Variants in TESK2 observed in about 807,000 individuals in gnomAD.
The protein encoded by TESK2 is testis associated actin remodelling kinase 2, also known as dual specificity testis-specific protein kinase 2.
In TESK2, 39 loss-of-function variants were observed where a neutral mutation model predicts 57.1. The ratio of observed to expected loss-of-function variants is 0.68; its 90% CI spans 0.53 to 0.89. The LOEUF (loss-of-function observed/expected upper bound fraction) is 0.89. Among genes scored for constraint, TESK2 ranks in the 40% least tolerant of loss-of-function variants. The pLI is 0.00. For missense variants in TESK2, 646 were observed against 732.1 expected (o/e 0.88, Z 1.36); for synonymous variants, 249 against 267.9 (o/e 0.93, Z 0.69).
intron 1 of TESK2, among the ~76,000 whole-genome samples, chr1:45,478,799 C>T (rs1653100432): frequency 6.6e-6 from 1 of 151,860 alleles, no homozygotes; most frequent in Admixed American, 6.6e-5. Flanking sequence ...TCTCAGCTCA[C>T]TGCAACCTCT....
At chr1:45,396,527 TG>T (rs1649365719) in intron 3 of TESK2, among the ~76,000 whole-genome samples, 1 of 152,110 alleles carries the variant, frequency 6.6e-6, no homozygotes, top group Non-Finnish European at 1.5e-5. Flanking sequence ...CTCACTCTGT[TG>T]CCCACGCTGG....
rs1486381365 is a variant in TESK2, at chr1:45,345,191, A to G, written c.1365T>C (p.Arg455=). 1 of 1,614,166 alleles carries G rather than the reference A, an allele frequency of 6.2e-7. No individual in the cohort carries two copies. Among genetic ancestry groups the G allele is most frequent in the South Asian group, 1.1e-5 (1 of 91,072 alleles). ...EPLAPPIRRW[R]SLPGSPEFLH... Reference sequence around the variant, plus strand: ...AGAACTCAGGCGAACCAGGCAAGGAACGCCACCGGCGAATAGGTGGGGCCA... The same window carrying G: ...AGAACTCAGGCGAACCAGGCAAGGAGCGCCACCGGCGAATAGGTGGGGCCA... The change falls in exon 11 of 11, where the codon CGT becomes CGC. Residue 455 remains arginine (R), a synonymous_variant. Coordinates refer to ENST00000372086, the MANE Select transcript of TESK2 (RefSeq NM_007170.3).
intron 3 of TESK2, among the ~76,000 whole-genome samples, chr1:45,409,656 T>C (rs1317106008): frequency 6.6e-6 from 1 of 152,146 alleles, no homozygotes; most frequent in Non-Finnish European, 1.5e-5. Flanking sequence ...GTAGTAAGTG[T>C]AGAGGTAAAA....
chr1:45,479,193 A>AAACCC (rs1307330659), intron 1 of TESK2, among the ~76,000 whole-genome samples: 20 of 152,370 alleles, frequency 1.3e-4, no homozygotes, highest in African/African-American at 4.6e-4. Flanking sequence ...TAGCAATACA[A>AAACCC]AACCCAAAGT....
chr1:45,426,962 G>T (rs1191410233), intron 2 of TESK2, among the ~76,000 whole-genome samples: 1 of 152,114 alleles, frequency 6.6e-6, no homozygotes, highest in East Asian at 1.9e-4. Flanking sequence ...ATTCTTGCAG[G>T]CTGGGCACGG....
chr1:45,414,420 C>A (rs765248467), intron 3 of TESK2, among the ~76,000 whole-genome samples: 69 of 152,102 alleles, frequency 4.5e-4, no homozygotes, highest in Non-Finnish European at 6.2e-4. Flanking sequence ...TATATCATCT[C>A]ATTTGTGGGC....
intron 4 of TESK2, among the ~76,000 whole-genome samples, chr1:45,365,548 T>TCGTTGC (rs1295521860): frequency 2.6e-5 from 4 of 151,934 alleles, no homozygotes; most frequent in Non-Finnish European, 5.9e-5. Context: ...AAAGTTTCCC[T>TCGTTGC]CGTTGCCCAG....
At chr1:45,415,376 A>G in intron 3 of TESK2, 2 of 908,064 alleles carry the variant, frequency 2.2e-6, no homozygotes, top group Admixed American at 3.5e-5. Flanking sequence ...TTTAACCACC[A>G]GACCATTCCT....
At chr1:45,429,505 T>A (rs1650861624) in intron 2 of TESK2, among the ~76,000 whole-genome samples, 2 of 152,138 alleles carry the variant, frequency 1.3e-5, no homozygotes, top group South Asian at 4.1e-4. Context: ...TTTGATCTAA[T>A]CCTTCCTCAA....
At chr1:45,419,555 C>T (rs1650379026) in intron 3 of TESK2, among the ~76,000 whole-genome samples, 1 of 152,020 alleles carries the variant, frequency 6.6e-6, no homozygotes, top group African/African-American at 2.4e-5. Context: ...CCTGTAATCC[C>T]AGCACTTTGG....
chr1:45,349,122 C>T (rs1318079617), intron 5 of TESK2, among the ~76,000 whole-genome samples: 1 of 151,328 alleles, frequency 6.6e-6, no homozygotes, highest in East Asian at 1.9e-4. Context: ...TGACCCAAAC[C>T]AGCCCTCCCT....
intron 3 of TESK2, among the ~76,000 whole-genome samples, chr1:45,401,077 C>T (rs1194308619): frequency 7.2e-6 from 1 of 139,814 alleles, no homozygotes; most frequent in Admixed American, 7.1e-5. Flanking sequence ...TAGTCTAAAA[C>T]ATATCCTTAC....
At chr1:45,483,270 G>A (rs1314213347) in intron 1 of TESK2, among the ~76,000 whole-genome samples, 1 of 148,102 alleles carries the variant, frequency 6.8e-6, no homozygotes, top group African/African-American at 2.5e-5. Flanking sequence ...AATAGAGAGA[G>A]ACTTCGTCTC....
chr1:45,350,890 C>A (rs1647221003), intron 5 of TESK2, among the ~76,000 whole-genome samples: 1 of 152,240 alleles, frequency 6.6e-6, no homozygotes, highest in African/African-American at 2.4e-5. Flanking sequence ...AACAGTCATT[C>A]TCTACATCCC....
chr1:45,367,656 ATTTT>A (rs549920468), intron 4 of TESK2, among the ~76,000 whole-genome samples: 1 of 125,266 alleles, frequency 8.0e-6, no homozygotes, highest in Non-Finnish European at 1.7e-5. Context: ...GTCACAAAGC[ATTTT>A]TTTTTTTTTT....
At chr1:45,475,127 G>A (rs1413325911) in intron 1 of TESK2, among the ~76,000 whole-genome samples, 2 of 149,544 alleles carry the variant, frequency 1.3e-5, no homozygotes, top group African/African-American at 2.4e-5. Flanking sequence ...GATGTTAGAG[G>A]GCTATTTCAG....
rs1171051418 is a variant in TESK2, at chr1:45,426,232, A to G, written c.223-4386T>C. On this transcript the variant is annotated intron_variant, in intron 2 of 10. Coordinates refer to ENST00000372086, the MANE Select transcript of TESK2 (RefSeq NM_007170.3). ...ACAGAGCTATTGTAACCAAAATAACATGGTATTGGCATAAAAACAGAAACA... is the reference window on the plus strand; with the variant it reads ...ACAGAGCTATTGTAACCAAAATAACGTGGTATTGGCATAAAAACAGAAACA... 2.6e-5 allele frequency among the ~76,000 whole-genome samples: 4 copies of G among 152,200 alleles called. 1 individual carries two copies. Among genetic ancestry groups the G allele is most frequent in the Non-Finnish European group, 5.9e-5 (4 of 68,034 alleles).
chr1:45,346,882 A>C (rs1647150608), intron 8 of TESK2, 97 bp downstream of exon 8: 1 of 1,544,604 alleles, frequency 6.5e-7, no homozygotes, highest in Admixed American at 1.7e-5. Flanking sequence ...GACAACCAGC[A>C]ACAGAGAGTT....
intron 3 of TESK2, chr1:45,413,755 C>T (rs1298540704): frequency 1.1e-5 from 5 of 448,100 alleles, no homozygotes; most frequent in South Asian, 3.1e-5. Flanking sequence ...CTCCCATACC[C>T]GGGGCCAGCA....
Sources: allele counts gnomAD v4.1 joint callset (sites outside exome capture counted in the v4.1 genomes callset), GRCh38; gene constraint gnomAD v4.1.1; transcripts MANE v1.5; gene names NCBI Gene and HGNC (gene_info 2026-07-23, HGNC 2026-07-21).